Variants in KIF26A observed in about 807,000 individuals in gnomAD.
KIF26A encodes kinesin family member 26A.
KIF26A carries 74 observed loss-of-function variants against 126.0 expected under a neutral mutation model. That is an observed-to-expected ratio of 0.59 (90% CI 0.49 to 0.71). The LOEUF is 0.71. Ranked by LOEUF, KIF26A falls within the 30% of genes least tolerant of loss-of-function variation. The pLI is 0.00. For synonymous variants in KIF26A, 1,445 were observed against 1,232.7 expected, an observed-to-expected ratio of 1.17 and a Z score of -3.61; for missense variants, 2,984 against 2,763.3, an observed-to-expected ratio of 1.08 and a Z score of -1.79.
intron 3 of KIF26A, among the ~76,000 whole-genome samples, chr14:104,155,204 A>G (rs2037765268): frequency 1.3e-5 from 2 of 151,862 alleles, no homozygotes; most frequent in African/African-American, 4.8e-5. Context: ...ACAAAATAGC[A>G]CCCAGTGAGG....
At chr14:104,178,805 C>A in intron 13 of KIF26A, 50 bp downstream of exon 13, 1 of 1,103,156 alleles carries the variant, frequency 9.1e-7, no homozygotes, top group Non-Finnish European at 1.3e-6. Context: ...GGGAGCCTGC[C>A]GCGGATGGCA....
intron 4 of KIF26A, among the ~76,000 whole-genome samples, chr14:104,161,912 C>T (rs894481926): frequency 2.6e-5 from 4 of 152,314 alleles, no homozygotes; most frequent in Admixed American, 6.5e-5. Flanking sequence ...TGAGGGCCGC[C>T]GCTCCCTGGC....
At chr14:104,161,877 A>T (rs1566859507) in intron 4 of KIF26A, among the ~76,000 whole-genome samples, 3 of 152,142 alleles carry the variant, frequency 2.0e-5, no homozygotes, top group African/African-American at 7.2e-5. Flanking sequence ...TTCCCTTCAG[A>T]GTCAAACCCC....
rs370338382 is a variant in KIF26A, at chr14:104,174,244, C to G, written c.2127C>G (p.His709Gln). The G allele has an allele frequency of 1.8e-5, 29 of 1,577,892 alleles. No individual in the cohort carries two copies. Among genetic ancestry groups the G allele is most frequent in the Non-Finnish European group, 2.2e-5 (26 of 1,163,692 alleles). The change falls in exon 11 of 15, where the codon CAC becomes CAG. Residue 709 changes from histidine (H) to glutamine (Q), a missense_variant. Physicochemically the swap from His to Gln is conservative, Grantham distance 24. Transcript: ENST00000423312. ...IAHVSDAPAQ[H>Q]AETLSTVQLA... ...ACGTGTCGGATGCGCCAGCCCAGCA[C>G]GCAGAGACACTCAGCACCGTGCAGC...
intron 9 of KIF26A, 71 bp from the exon 10 acceptor site, chr14:104,173,635 T>C: frequency 6.4e-7 from 1 of 1,566,462 alleles, no homozygotes; most frequent in South Asian, 1.2e-5. Context: ...AGCTTGGGCC[T>C]GGGGTGGGGA....
At chr14:104,178,509 G>A (rs1425418819) in intron 12 of KIF26A, 41 bp from the exon 13 acceptor site, 3 of 1,394,532 alleles carry the variant, frequency 2.2e-6, no homozygotes, top group Admixed American at 3.1e-5. Flanking sequence ...CTTGGGCTGG[G>A]CCCCGCCTCT....
At position 104,173,497 on chromosome 14, in the gene KIF26A, G is replaced by A. The variant is rs1230792558; in HGVS notation, c.1851G>A (p.Lys617=). ...ACGTCTACCAGTACCGCATGGAGAAGTGCGGCCGGGGAGGAAGTAGGTGCC... is the reference window on the plus strand; with the variant it reads ...ACGTCTACCAGTACCGCATGGAGAAATGCGGCCGGGGAGGAAGTAGGTGCC... ...TLHVYQYRME[K]CGRGGMSGGR... is the part of the protein sequence containing the mutation. The change falls in exon 9 of 15, where the codon AAG becomes AAA. Residue 617 remains lysine, a synonymous_variant. Coordinates refer to ENST00000423312, the MANE Select transcript of KIF26A (RefSeq NM_015656.2). 4.5e-6 allele frequency: 7 copies of A among 1,566,152 alleles called. No individual in the cohort carries two copies. The highest frequency in any genetic ancestry group is 2.3e-5 in the East Asian group (1 of 43,654).
At chr14:104,169,315 G>A (rs1310864796) in intron 5 of KIF26A, among the ~76,000 whole-genome samples, 1 of 152,240 alleles carries the variant, frequency 6.6e-6, no homozygotes, top group Admixed American at 6.5e-5. Context: ...ATCCAGTTGG[G>A]GCGGGGGGCA....
intron 4 of KIF26A, among the ~76,000 whole-genome samples, chr14:104,159,559 C>T (rs988410581): frequency 6.6e-6 from 1 of 152,212 alleles, no homozygotes; most frequent in Admixed American, 6.5e-5. Flanking sequence ...TGTTTGGGAG[C>T]CGAGGCCGGT....
rs1045649851 is a variant in KIF26A at position 104,179,090 on chromosome 14, G to C, written c.5317-146G>C. Reference sequence around the variant, plus strand: ...AGACGGGCATGGGTGGGCTGCCCCAGGTCCGCCCCCTGCCCGCCCTTGGAG... The same window carrying C: ...AGACGGGCATGGGTGGGCTGCCCCACGTCCGCCCCCTGCCCGCCCTTGGAG... On this transcript the variant is annotated intron_variant, in intron 13 of 14. Coordinates refer to ENST00000423312, the MANE Select transcript of KIF26A (RefSeq NM_015656.2). 7 of 950,250 alleles carry C rather than the reference G, an allele frequency of 7.4e-6. No individual in the cohort carries two copies. The Admixed American group carries it at 2.4e-4, about 33-fold the overall frequency. 58.9% of individuals were successfully genotyped at this position (950,250 alleles called of 1,614,324 possible).
At chr14:104,161,885 C>A (rs1258580675) in intron 4 of KIF26A, among the ~76,000 whole-genome samples, 1 of 152,164 alleles carries the variant, frequency 6.6e-6, no homozygotes, top group Admixed American at 6.5e-5. Context: ...AGAGTCAAAC[C>A]CCTCAGACTT....
At chr14:104,143,512 C>T (rs1753667786) in intron 2 of KIF26A, among the ~76,000 whole-genome samples, 1 of 152,172 alleles carries the variant, frequency 6.6e-6, no homozygotes, top group Non-Finnish European at 1.5e-5. Flanking sequence ...TCCTCTGTCA[C>T]TTGTCCGAGG....
rs2037994693 is a variant in KIF26A, at chr14:104,174,441, C to A, written c.2193+131C>A. The A allele has an allele frequency of 1.1e-5, 11 of 979,280 alleles. 1 individual carries two copies. The South Asian group carries it at 2.0e-4, about 18-fold the overall frequency. 60.7% of individuals were successfully genotyped at this position (979,280 alleles called of 1,614,324 possible). On this transcript the variant is annotated intron_variant, in intron 11 of 14. Transcript: ENST00000423312. ...AGCCTGGGTAGATGTCCTATGTGTT[C>A]TGATGTCATGAGGCTATGCCCATGT...
intron 4 of KIF26A, among the ~76,000 whole-genome samples, chr14:104,162,358 G>A (rs1178276999): frequency 6.6e-6 from 1 of 152,198 alleles, no homozygotes; most frequent in South Asian, 2.1e-4. Context: ...CTGTCTAGGC[G>A]GCCTGGGCCC....
In KIF26A at chr14:104,171,711, C is replaced by T. The variant is rs370698809; in HGVS notation, c.1114-12C>T. ...GAGGCAGCTTCTCAGGTGCCGCCCA[C>T]CTCTGCCCCAGGTGAAGGTTATGCT... is the stretch of plus-strand genomic sequence containing the variant. On this transcript the variant is annotated splice_polypyrimidine_tract_variant and intron_variant, in intron 5 of 14. Transcript: ENST00000423312. 1 of 1,554,884 alleles carries T rather than the reference C, an allele frequency of 6.4e-7. No homozygotes were observed.
At position 104,164,760 on chromosome 14, in the gene KIF26A, C is replaced by T. The variant is rs531202301; in HGVS notation, c.924-2099C>T. ...GTGTGCGCGTGTCTGTGTGTGTGCG[C>T]GTGTCTGTGTGTGCATCTCTGTGTG... is the stretch of plus-strand genomic sequence containing the variant. On this transcript the variant is annotated intron_variant, in intron 4 of 14. Transcript: ENST00000423312. Among the ~76,000 whole-genome samples, 37 of 147,342 alleles carry T rather than the reference C, an allele frequency of 2.5e-4. 1 individual carries two copies. The South Asian group carries it at 3.3e-3, about 13-fold the overall frequency.
intron 2 of KIF26A, among the ~76,000 whole-genome samples, chr14:104,149,810 C>T (rs941992978): frequency 3.3e-5 from 5 of 152,166 alleles, no homozygotes; most frequent in African/African-American, 7.2e-5. Context: ...GGTCGCTGGA[C>T]GGGCAGAGGC....
intron 3 of KIF26A, among the ~76,000 whole-genome samples, chr14:104,153,422 C>T (rs1337417472): frequency 1.3e-5 from 2 of 152,116 alleles, no homozygotes; most frequent in African/African-American, 2.4e-5. Context: ...GTGGTGAGGC[C>T]GAGGAGAGGG....
In KIF26A at chr14:104,180,111, G is replaced by A. The variant is rs117760344; in HGVS notation, c.*321G>A. The A allele has an allele frequency of 2.3e-3, 669 of 286,948 alleles. 16 individuals are homozygous for A. The East Asian group carries it at 0.034, about 15-fold the overall frequency. 17.8% of individuals were successfully genotyped at this position (286,948 alleles called of 1,614,324 possible). ...CAGAAGTTGTGTTCAGCCCGGCCCC[G>A]CTGCGCCTGTCCGGGCCGGGGCTGG... On this transcript the variant is annotated 3_prime_UTR_variant, in exon 15 of 15. Coordinates refer to ENST00000423312, the MANE Select transcript of KIF26A (RefSeq NM_015656.2).
Sources: gnomAD v4.1 joint callset for allele counts (sites outside exome capture counted in the v4.1 genomes callset) on GRCh38, gnomAD v4.1.1 for gene constraint, MANE v1.5 for transcripts, NCBI Gene and HGNC (gene_info 2026-07-23, HGNC 2026-07-21) for gene names.